The following GADL1 variants were observed in gnomAD, a reference collection of about 807,000 sequenced individuals.
GADL1 encodes GAD like acidic amino acid decarboxylase 1, also known as acidic amino acid decarboxylase GADL1.
Under a neutral mutation model 69.5 loss-of-function variants are expected in GADL1, and 71 were observed. That is an observed-to-expected ratio of 1.02 (90% CI 0.84 to 1.25). The LOEUF (loss-of-function observed/expected upper bound fraction) is 1.25. GADL1 is among the 50% of genes most tolerant of loss of function. The probability of loss-of-function intolerance (pLI) is 0.00; values close to 1 mark genes in which losing one functional copy is unlikely to be tolerated. For synonymous variants in GADL1, 254 were observed against 214.4 expected, an observed-to-expected ratio of 1.18 and a Z score of -1.62; for missense variants, 737 against 631.8, an observed-to-expected ratio of 1.17 and a Z score of -1.79.
chr3:30,794,180 G>T (rs963479976), intron 12 of GADL1, among the ~76,000 whole-genome samples: 1 of 152,128 alleles, frequency 6.6e-6, no homozygotes, highest in African/African-American at 2.4e-5. Context: ...CGGTATCCAT[G>T]CAAGTCTATG....
intron 11 of GADL1, among the ~76,000 whole-genome samples, chr3:30,811,797 AT>A (rs1189663421): frequency 6.8e-6 from 1 of 147,726 alleles, no homozygotes; most frequent in African/African-American, 2.5e-5. Context: ...TTAGAATCAT[AT>A]GGTTTTTTTT....
At chr3:30,777,672 C>T (rs969252948) in intron 14 of GADL1, among the ~76,000 whole-genome samples, 21 of 150,952 alleles carry the variant, frequency 1.4e-4, no homozygotes, top group African/African-American at 4.4e-4. Flanking sequence ...AAGACACTTC[C>T]AAGCACATTT....
chr3:30,861,277 A>G (rs1698316655), intron 2 of GADL1, among the ~76,000 whole-genome samples: 1 of 151,694 alleles, frequency 6.6e-6, no homozygotes, highest in South Asian at 2.1e-4. Context: ...TGAGATTAGC[A>G]GGTTACTTAT....
chr3:30,785,087 GCCGTCC>G (rs1483233114), intron 13 of GADL1, among the ~76,000 whole-genome samples: 2 of 151,856 alleles, frequency 1.3e-5, no homozygotes, highest in Admixed American at 6.6e-5. Flanking sequence ...AACCAAATAA[GCCGTCC>G]CCATTTCAGC....
intron 11 of GADL1, among the ~76,000 whole-genome samples, chr3:30,818,290 C>CT (rs1169322806): frequency 6.6e-6 from 1 of 152,174 alleles, no homozygotes; most frequent in Non-Finnish European, 1.5e-5. Context: ...GTCGTGAGAA[C>CT]TTAAAAGCAA....
chr3:30,861,891 T>C, intron 1 of GADL1, 126 bp from the exon 2 acceptor site: 1 of 619,478 alleles, frequency 1.6e-6, no homozygotes, highest in Non-Finnish European at 2.8e-6. Context: ...AAGGCATCAT[T>C]TGAGGTGTTG....
At chr3:30,758,354 C>T (rs543237616) in intron 14 of GADL1, among the ~76,000 whole-genome samples, 2 of 152,034 alleles carry the variant, frequency 1.3e-5, no homozygotes, top group African/African-American at 2.4e-5. Context: ...TTGCAGCCTC[C>T]CTCCAGCTCT....
At chr3:30,885,864 C>T (rs9829071) in intron 1 of GADL1, among the ~76,000 whole-genome samples, 6,991 of 152,056 alleles carry the variant, frequency 0.046, 569 homozygotes, top group African/African-American at 0.16. Flanking sequence ...ACTTTGTCCT[C>T]CCGAAGTACT....
At chr3:30,760,390 G>C (rs1463485736) in intron 14 of GADL1, among the ~76,000 whole-genome samples, 1 of 152,034 alleles carries the variant, frequency 6.6e-6, no homozygotes, top group Non-Finnish European at 1.5e-5. Context: ...TCAGGGACTT[G>C]TATCACTCTG....
At chr3:30,868,465 C>T (rs1398073695) in intron 1 of GADL1, among the ~76,000 whole-genome samples, 1 of 151,932 alleles carries the variant, frequency 6.6e-6, no homozygotes, top group African/African-American at 2.4e-5. Context: ...AGTCCTGGCC[C>T]AAATTCTAAC....
At chr3:30,876,662 G>T (rs1207093803) in intron 1 of GADL1, among the ~76,000 whole-genome samples, 1 of 150,000 alleles carries the variant, frequency 6.7e-6, no homozygotes, top group African/African-American at 2.5e-5. Flanking sequence ...ATTTTTGCCT[G>T]CAGCCTATTT....
chr3:30,837,768 CT>C (rs1177480724), intron 9 of GADL1, among the ~76,000 whole-genome samples: 2 of 149,282 alleles, frequency 1.3e-5, no homozygotes. Context: ...TTCATATTAT[CT>C]TTTAGGATAT....
chr3:30,768,309 T>A (rs1280905441), intron 14 of GADL1, among the ~76,000 whole-genome samples: 1 of 152,068 alleles, frequency 6.6e-6, no homozygotes, highest in Non-Finnish European at 1.5e-5. Flanking sequence ...ATGCCCCAAA[T>A]TGAGAATGGT....
chr3:30,864,578 C>T (rs911664768), intron 1 of GADL1, among the ~76,000 whole-genome samples: 1 of 151,880 alleles, frequency 6.6e-6, no homozygotes, highest in Non-Finnish European at 1.5e-5. Context: ...TTGATAGACA[C>T]ATTTTATTTT....
intron 1 of GADL1, among the ~76,000 whole-genome samples, chr3:30,881,260 C>CA (rs1698637163): frequency 1.3e-5 from 2 of 151,878 alleles, no homozygotes; most frequent in African/African-American, 4.8e-5. Flanking sequence ...TCCTATCTGA[C>CA]AAAATCATAT....
Position 30,850,889 on chromosome 3 carries a change from T to C in GADL1, c.481A>G (p.Lys161Glu). Residue 161 changes from lysine to glutamate, a missense_variant, in exon 5 of 15, where the codon AAG becomes GAG. Lys to Glu is a moderately conservative substitution (Grantham distance 56). Transcript: ENST00000282538. ...VFLLVEEAVL[K>E]KMIEFIGWKE... Reference sequence around the variant, plus strand: ...CAGCCAATAAATTCAATCATTTTCTTCAGAACCGCTTCTTCCACTAACAGA... The same window carrying C: ...CAGCCAATAAATTCAATCATTTTCTCCAGAACCGCTTCTTCCACTAACAGA... The C allele has an allele frequency of 6.4e-7, 1 of 1,550,802 alleles. No homozygotes were observed. The highest frequency in any genetic ancestry group is 8.7e-7 in the Non-Finnish European group (1 of 1,146,270).
chr3:30,767,207 G>A (rs1321386692), intron 14 of GADL1, among the ~76,000 whole-genome samples: 1 of 152,030 alleles, frequency 6.6e-6, no homozygotes, highest in African/African-American at 2.4e-5. Context: ...AGTGGCAGAG[G>A]CATTATTTAC....
At chr3:30,753,342 C>T (rs1273029744) in intron 14 of GADL1, among the ~76,000 whole-genome samples, 1 of 152,050 alleles carries the variant, frequency 6.6e-6, no homozygotes, top group Admixed American at 6.6e-5. Context: ...ATTTTGAATT[C>T]TAGTTTCAAA....
At chr3:30,776,210 GAGTT>G (rs1696533203) in intron 14 of GADL1, among the ~76,000 whole-genome samples, 1 of 152,182 alleles carries the variant, frequency 6.6e-6, no homozygotes, top group South Asian at 2.1e-4. Context: ...CAACAGTACT[GAGTT>G]AGACACAAAT....
Sources: allele counts gnomAD v4.1 joint callset (sites outside exome capture counted in the v4.1 genomes callset), GRCh38; gene constraint gnomAD v4.1.1; transcripts MANE v1.5; gene names NCBI Gene and HGNC (gene_info 2026-07-23, HGNC 2026-07-21).